BBS9: variants seen among roughly 807,000 people sequenced by gnomAD.
BBS9 encodes protein PTHB1.
A neutral mutation model predicts 117.7 loss-of-function variants in BBS9; 89 were observed. The ratio of observed to expected loss-of-function variants is 0.76; its 90% CI spans 0.64 to 0.90. BBS9 has a LOEUF of 0.90. Ranked by LOEUF, BBS9 falls within the 40% of genes least tolerant of loss-of-function variation. The probability of loss-of-function intolerance (pLI) is 0.00; values close to 1 mark genes in which losing one functional copy is unlikely to be tolerated. For missense variants in BBS9, 982 were observed against 1,042.2 expected (o/e 0.94, Z 0.80); for synonymous variants, 379 against 370.9 (o/e 1.02, Z -0.25).
At chr7:33,609,534 A>G (rs937244279), downstream of BBS9, among the ~76,000 whole-genome samples, 2 of 152,110 alleles carry the variant, frequency 1.3e-5, no homozygotes, top group African/African-American at 4.8e-5. Context: ...TTTTATGATG[A>G]GTTTGTAATT....
At chr7:33,347,579 T>C (rs1584434908) in intron 12 of BBS9, among the ~76,000 whole-genome samples, 1 of 152,074 alleles carries the variant, frequency 6.6e-6, no homozygotes, top group Non-Finnish European at 1.5e-5. Flanking sequence ...TCGATAGTTG[T>C]CTTAAAAATT....
At chr7:33,238,371 A>G (rs558144155) in intron 5 of BBS9, among the ~76,000 whole-genome samples, 3 of 151,792 alleles carry the variant, frequency 2.0e-5, no homozygotes, top group African/African-American at 7.2e-5. Context: ...GCTCACTGCA[A>G]CCTCCACCTC....
At chr7:33,200,577 C>T (rs1233779135) in intron 5 of BBS9, among the ~76,000 whole-genome samples, 4 of 152,124 alleles carry the variant, frequency 2.6e-5, no homozygotes, top group Non-Finnish European at 4.4e-5. Context: ...TTAAAACACA[C>T]ATATTTATTT....
intron 9 of BBS9, among the ~76,000 whole-genome samples, chr7:33,282,457 C>T (rs1432884236): frequency 6.6e-6 from 1 of 152,124 alleles, no homozygotes; most frequent in East Asian, 1.9e-4. Flanking sequence ...ACTGCAACCT[C>T]TGCCTCCTGG....
intron 20 of BBS9, among the ~76,000 whole-genome samples, chr7:33,509,286 A>T (rs1266587683): frequency 6.6e-6 from 1 of 152,198 alleles, no homozygotes; most frequent in Non-Finnish European, 1.5e-5. Context: ...AGACATACGC[A>T]TGCAGTATGT....
At chr7:33,541,101 T>C (rs1311374929) in intron 21 of BBS9, among the ~76,000 whole-genome samples, 8 of 152,116 alleles carry the variant, frequency 5.3e-5, no homozygotes, top group Admixed American at 3.3e-4. Flanking sequence ...GACAGTCTCA[T>C]CAAGCTACCA....
chr7:33,164,778 A>G (rs919607443), intron 4 of BBS9, among the ~76,000 whole-genome samples: 4 of 152,022 alleles, frequency 2.6e-5, no homozygotes, highest in African/African-American at 9.7e-5. Flanking sequence ...TCTGGACTCT[A>G]TCCAATTTGC....
intron 9 of BBS9, among the ~76,000 whole-genome samples, chr7:33,303,797 G>A (rs890681853): frequency 4.0e-5 from 6 of 151,752 alleles, no homozygotes; most frequent in African/African-American, 7.3e-5. Flanking sequence ...ATGGAGTCTC[G>A]CTCACTCAGT....
intron 21 of BBS9, among the ~76,000 whole-genome samples, chr7:33,535,564 G>A (rs556495634): frequency 6.6e-6 from 1 of 152,192 alleles, no homozygotes; most frequent in South Asian, 2.1e-4. Flanking sequence ...GACATTGTTT[G>A]CCTTCATTTA....
intron 21 of BBS9, among the ~76,000 whole-genome samples, chr7:33,567,835 C>A (rs1231782060): frequency 2.0e-5 from 3 of 152,166 alleles, no homozygotes; most frequent in African/African-American, 7.2e-5. Context: ...TATTTAATAT[C>A]TCAGGATTAG....
chr7:33,409,212 A>G (rs542371487), intron 19 of BBS9, among the ~76,000 whole-genome samples: 1 of 152,172 alleles, frequency 6.6e-6, no homozygotes, highest in Non-Finnish European at 1.5e-5. Context: ...TTGAGGACTT[A>G]GGCATAAATT....
chr7:33,202,721 G>A (rs1282298431), intron 5 of BBS9, among the ~76,000 whole-genome samples: 4 of 152,084 alleles, frequency 2.6e-5, no homozygotes, highest in Admixed American at 6.6e-5. Context: ...CAGCAAGGGG[G>A]AGGTCTGCCC....
At chr7:33,321,249 A>ATT (rs937269003) in intron 9 of BBS9, among the ~76,000 whole-genome samples, 1 of 151,102 alleles carries the variant, frequency 6.6e-6, no homozygotes, top group Non-Finnish European at 1.5e-5. Context: ...AAATCACTGG[A>ATT]TTTTTTTTTG....
chr7:33,607,244 AT>A (rs1864627304), downstream of BBS9, among the ~76,000 whole-genome samples: 2 of 152,154 alleles, frequency 1.3e-5, no homozygotes, highest in Admixed American at 6.6e-5. Context: ...GAAGCCGGTG[AT>A]TTAGAACATT....
chr7:33,358,911 A>C (rs1042968942), intron 16 of BBS9, among the ~76,000 whole-genome samples: 1 of 151,856 alleles, frequency 6.6e-6, no homozygotes, highest in Non-Finnish European at 1.5e-5. Context: ...TTTATTTTTT[A>C]TTAATTTGCA....
At chr7:33,462,682 G>A (rs906704685) in intron 19 of BBS9, among the ~76,000 whole-genome samples, 6 of 152,062 alleles carry the variant, frequency 3.9e-5, no homozygotes, top group Non-Finnish European at 7.4e-5. Flanking sequence ...TTAGGCACAT[G>A]CTTATGGAAA....
chr7:33,517,720 C>T (rs1326328609), intron 20 of BBS9, among the ~76,000 whole-genome samples: 1 of 152,120 alleles, frequency 6.6e-6, no homozygotes, highest in Non-Finnish European at 1.5e-5. Flanking sequence ...TCCAAGGCCA[C>T]ATATCTAGAA....
At chr7:33,314,382 C>T (rs945748939) in intron 9 of BBS9, 10 of 359,838 alleles carry the variant, frequency 2.8e-5, no homozygotes, top group Non-Finnish European at 4.9e-5. Flanking sequence ...ATTCAAAGCT[C>T]AGTGCTAGAT....
At chr7:33,320,906 G>A (rs113547404) in intron 9 of BBS9, among the ~76,000 whole-genome samples, 2 of 151,910 alleles carry the variant, frequency 1.3e-5, no homozygotes, top group African/African-American at 2.4e-5. Flanking sequence ...TTTGATTTTT[G>A]TACATGGGGA....
Sources: allele counts gnomAD v4.1 joint callset (sites outside exome capture counted in the v4.1 genomes callset), GRCh38; gene constraint gnomAD v4.1.1; transcripts MANE v1.5; gene names NCBI Gene and HGNC (gene_info 2026-07-23, HGNC 2026-07-21).